Variants in SHLD1 observed in about 807,000 individuals in gnomAD.
SHLD1 encodes the protein RINN1-REV7-interacting novel NHEJ regulator 3.
Under a neutral mutation model 5.5 loss-of-function variants are expected in SHLD1, and 3 were observed. That is an observed-to-expected ratio of 0.54 (90% CI 0.25 to 1.40). The LOEUF (loss-of-function observed/expected upper bound fraction) is 1.40. SHLD1 is among the 40% of genes most tolerant of loss of function. The pLI is 0.15. For synonymous variants in SHLD1, 92 were observed against 94.3 expected, an observed-to-expected ratio of 0.98 and a Z score of 0.14; for missense variants, 210 against 244.4, an observed-to-expected ratio of 0.86 and a Z score of 0.94.
At chr20:5,835,525 C>T (rs2087779026) in intron 2 of SHLD1, among the ~76,000 whole-genome samples, 1 of 152,042 alleles carries the variant, frequency 6.6e-6, no homozygotes, top group Admixed American at 6.5e-5. Context: ...CTGGGGAAGG[C>T]TTCCTAGGGG....
At chr20:5,757,525 T>TTG (rs1491314974) in intron 1 of SHLD1, among the ~76,000 whole-genome samples, 31 of 152,166 alleles carry the variant, frequency 2.0e-4, no homozygotes, top group African/African-American at 7.0e-4. Context: ...TGTCAAAAAC[T>TTG]TGTGTGTGTG....
rs35976290 is a variant in SHLD1, at chr20:5,798,617, CTT to C, written c.178+25591_178+25592del. On this transcript the variant is annotated intron_variant, in intron 2 of 2. Transcript: ENST00000303142. ...GCGCCTGGCCTAACATTTTAGTTTT[CTT>C]TTTTTTTTTTTTTTTTGAGACGGAG... Among the ~76,000 whole-genome samples, 130 of 136,758 alleles carry C rather than the reference CTT, an allele frequency of 9.5e-4. 1 individual carries two copies. The highest frequency in any genetic ancestry group is 1.2e-3 in the Non-Finnish European group (75 of 64,188). 89.7% of individuals were successfully genotyped at this position (136,758 alleles called of 152,430 possible).
At chr20:5,853,818 A>T (rs952485614) in intron 2 of SHLD1, among the ~76,000 whole-genome samples, 3 of 151,350 alleles carry the variant, frequency 2.0e-5, no homozygotes, top group Non-Finnish European at 4.4e-5. Flanking sequence ...TTGCCTGTTC[A>T]TAATAGCAGA....
intron 2 of SHLD1, among the ~76,000 whole-genome samples, chr20:5,795,368 G>A (rs2087196581): frequency 6.6e-6 from 1 of 151,976 alleles, no homozygotes; most frequent in African/African-American, 2.4e-5. Flanking sequence ...AAGCCAAGGT[G>A]GGCAGATCAC....
intron 2 of SHLD1, among the ~76,000 whole-genome samples, chr20:5,790,104 C>T (rs1172487711): frequency 2.0e-5 from 3 of 152,150 alleles, no homozygotes; most frequent in Non-Finnish European, 4.4e-5. Context: ...TGGGAAGCCT[C>T]TTTGTTCCCC....
At chr20:5,804,724 T>A (rs1405106034) in intron 2 of SHLD1, among the ~76,000 whole-genome samples, 1 of 152,206 alleles carries the variant, frequency 6.6e-6, no homozygotes, top group African/African-American at 2.4e-5. Flanking sequence ...CAAACAAAAG[T>A]TTGCATGAAG....
intron 2 of SHLD1, among the ~76,000 whole-genome samples, chr20:5,840,648 G>A (rs1036841842): frequency 6.6e-6 from 1 of 152,156 alleles, no homozygotes; most frequent in Non-Finnish European, 1.5e-5. Context: ...AGTGATCAAG[G>A]CAACAGCCCC....
rs150380911 is a variant in SHLD1, at chr20:5,856,333, C to G, written c.179-6691C>G. Among the ~76,000 whole-genome samples, 135 of 152,348 alleles carry G rather than the reference C, an allele frequency of 8.9e-4. 1 individual carries two copies. Among genetic ancestry groups the G allele is most frequent in the African/African-American group, 3.1e-3 (129 of 41,586 alleles). On this transcript the variant is annotated intron_variant, in intron 2 of 2. Coordinates refer to ENST00000303142, the MANE Select transcript of SHLD1 (RefSeq NM_152504.4). The stretch of plus-strand genomic sequence containing the variant: ...TTTATGAAGGAGGCAGTGAAACAGA[C>G]AGAGTGGTAGGTGCTAGTCAGACTC...
At chr20:5,812,277 C>A (rs6139841) in intron 2 of SHLD1, among the ~76,000 whole-genome samples, 9 of 151,748 alleles carry the variant, frequency 5.9e-5, no homozygotes, top group Admixed American at 4.6e-4. Flanking sequence ...TTTTTTCTCA[C>A]GTATCCATGG....
intron 2 of SHLD1, among the ~76,000 whole-genome samples, chr20:5,784,073 C>T (rs1232793240): frequency 4.0e-5 from 6 of 151,892 alleles, no homozygotes; most frequent in African/African-American, 1.5e-4. Context: ...ATTGCTTGAA[C>T]CCGGGAGGCG....
At chr20:5,817,977 T>C (rs993757351) in intron 2 of SHLD1, among the ~76,000 whole-genome samples, 3 of 152,206 alleles carry the variant, frequency 2.0e-5, no homozygotes, top group Admixed American at 6.5e-5. Flanking sequence ...TTGCGTCCCT[T>C]CTCTCAGTGA....
intron 2 of SHLD1, among the ~76,000 whole-genome samples, chr20:5,792,237 C>T (rs756155279): frequency 1.2e-4 from 19 of 152,038 alleles, no homozygotes; most frequent in Non-Finnish European, 2.2e-4. Context: ...CCTGTACTTT[C>T]GGTGTCATGT....
intron 1 of SHLD1, among the ~76,000 whole-genome samples, chr20:5,754,427 A>G (rs1003481923): frequency 3.3e-5 from 5 of 152,008 alleles, no homozygotes; most frequent in African/African-American, 1.2e-4. Context: ...TCTATTTTTA[A>G]CATTAATGCT....
At chr20:5,764,221 A>G (rs28587004) in intron 1 of SHLD1, among the ~76,000 whole-genome samples, 4 of 101,760 alleles carry the variant, frequency 3.9e-5, no homozygotes, top group Admixed American at 2.0e-4. Flanking sequence ...GTGTGTGTGT[A>G]TATATATATA....
rs1033169923 is a variant in SHLD1 at position 5,800,105 on chromosome 20, T to C, written c.178+27062T>C. Among the ~76,000 whole-genome samples, 4 of 152,192 alleles carry C rather than the reference T, an allele frequency of 2.6e-5. No homozygotes were observed. In the East Asian group the frequency reaches 7.7e-4, roughly 29 times the overall value. ...GGTAGGGGGCAGTGCTACTGGCATGTAGTGCATAAAGGCCAGAGATGAAGC... is the reference window on the plus strand; with the variant it reads ...GGTAGGGGGCAGTGCTACTGGCATGCAGTGCATAAAGGCCAGAGATGAAGC... On this transcript the variant is annotated intron_variant, in intron 2 of 2. Coordinates refer to ENST00000303142, the MANE Select transcript of SHLD1 (RefSeq NM_152504.4).
upstream of SHLD1, among the ~76,000 whole-genome samples, chr20:5,750,200 C>T (rs1983644972): frequency 6.6e-6 from 1 of 151,904 alleles, no homozygotes; most frequent in Admixed American, 6.6e-5. Context: ...TAGGGTTTAC[C>T]AAGCACATTT....
chr20:5,820,004 G>T (rs966783101), intron 2 of SHLD1, among the ~76,000 whole-genome samples: 1 of 152,152 alleles, frequency 6.6e-6, no homozygotes, highest in Non-Finnish European at 1.5e-5. Flanking sequence ...CTGGAGTGCA[G>T]TGCTGTGATC....
chr20:5,751,691 T>C (rs1005109253), intron 1 of SHLD1, among the ~76,000 whole-genome samples: 3 of 152,232 alleles, frequency 2.0e-5, no homozygotes, highest in African/African-American at 7.2e-5. Flanking sequence ...CTCTGTAAAC[T>C]ATTTTAAAGC....
At chr20:5,788,572 T>C (rs1457560620) in intron 2 of SHLD1, among the ~76,000 whole-genome samples, 1 of 152,234 alleles carries the variant, frequency 6.6e-6, no homozygotes, top group Non-Finnish European at 1.5e-5. Context: ...TACACTTTCC[T>C]GAGCCTTACT....
Sources: allele counts gnomAD v4.1 joint callset (sites outside exome capture counted in the v4.1 genomes callset), GRCh38; gene constraint gnomAD v4.1.1; transcripts MANE v1.5; gene names NCBI Gene and HGNC (gene_info 2026-07-23, HGNC 2026-07-21).